PTTG1IP2: variants seen among roughly 807,000 people sequenced by gnomAD.
PTTG1IP2 encodes PTTG1IP family member 2.
chr7:90,477,566 T>C (rs1410851982), intron 1 of PTTG1IP2, among the ~76,000 whole-genome samples: 2 of 152,208 alleles, frequency 1.3e-5, no homozygotes, highest in Non-Finnish European at 2.9e-5. Context: ...CTGAAAGTAC[T>C]GAGGATAGTA....
chr7:90,469,924 T>C lies in PTTG1IP2; in HGVS notation c.138T>C (p.Asn46=), dbSNP rs1381644744. 1 of 152,674 alleles carries C rather than the reference T, an allele frequency of 6.5e-6. No homozygotes were observed. The highest frequency in any genetic ancestry group is 1.9e-4 in the East Asian group (1 of 5,188). The allele number at this position is 152,674 out of a possible 1,614,324, so 9.5% of individuals were successfully genotyped here. A position where few individuals can be genotyped will look rare whatever the true frequency, so the allele number is the denominator to read the frequency against. ...PRNNQKPRDG[N]EEECAVKKSC... ...ACAATCAGAAACCAAGAGATGGGAATGAAGAGGGTGAGTGATCTGGAGTCC... is the reference window on the plus strand; with the variant it reads ...ACAATCAGAAACCAAGAGATGGGAACGAAGAGGGTGAGTGATCTGGAGTCC... The change falls in exon 1 of 7, where the codon AAT becomes AAC. Residue 46 remains asparagine, a synonymous_variant. Coordinates refer to ENST00000509356, the MANE Select transcript of PTTG1IP2 (RefSeq NM_001365443.2).
Position 90,494,357 on chromosome 7 carries a change from C to T in PTTG1IP2, c.452-10C>T, listed in dbSNP as rs1237544101. 1.3e-5 allele frequency: 2 copies of T among 152,068 alleles called. No homozygotes were observed. 9.4% of individuals were successfully genotyped at this position (152,068 alleles called of 1,614,324 possible). A position where few individuals can be genotyped will look rare whatever the true frequency, so the allele number is the denominator to read the frequency against. ...ATTTGAAAAGATAAATTTATTTTCT[C>T]TTCTCATAGTATATGATGAATAGAT... On this transcript the variant is annotated splice_polypyrimidine_tract_variant and intron_variant, in intron 5 of 6. Transcript: ENST00000509356.
chr7:90,511,535 GGC>G (rs1798190558), intron 6 of PTTG1IP2, among the ~76,000 whole-genome samples: 2 of 152,110 alleles, frequency 1.3e-5, no homozygotes, highest in Non-Finnish European at 1.5e-5. Flanking sequence ...TCTGATAAGA[GGC>G]GCTTGCACCA....
chr7:90,509,455 C>T (rs373162798), intron 6 of PTTG1IP2, among the ~76,000 whole-genome samples: 23 of 152,054 alleles, frequency 1.5e-4, no homozygotes, highest in African/African-American at 5.1e-4. Context: ...CTGGAAGATA[C>T]GGATGCTGTT....
intron 1 of PTTG1IP2, 175 bp downstream of exon 1, chr7:90,470,106 T>A (rs1797664373): frequency 6.6e-6 from 1 of 152,474 alleles, no homozygotes; most frequent in Non-Finnish European, 1.5e-5. Context: ...TAAATTGGAC[T>A]CAGATTAATT....
chr7:90,491,077 T>TA (rs770469079), intron 4 of PTTG1IP2, among the ~76,000 whole-genome samples: 9 of 152,304 alleles, frequency 5.9e-5, no homozygotes, highest in Middle Eastern at 3.4e-3. Flanking sequence ...CTTTTTCTTT[T>TA]AAAAAAATAC....
chr7:90,499,416 A>G (rs965178223), intron 6 of PTTG1IP2, among the ~76,000 whole-genome samples: 5 of 152,160 alleles, frequency 3.3e-5, no homozygotes, highest in African/African-American at 1.2e-4. Context: ...CTTTTGTACC[A>G]GAACATTTCA....
intron 1 of PTTG1IP2, 92 bp downstream of exon 1, chr7:90,470,023 A>T (rs949255719): frequency 2.0e-5 from 3 of 152,568 alleles, no homozygotes; most frequent in Non-Finnish European, 4.4e-5. Context: ...TGGAATTTTC[A>T]TCTCAAAAGT....
At chr7:90,477,121 G>C (rs1742279825) in intron 1 of PTTG1IP2, among the ~76,000 whole-genome samples, 1 of 152,154 alleles carries the variant, frequency 6.6e-6, no homozygotes, top group Non-Finnish European at 1.5e-5. Context: ...TGTTCTAAGA[G>C]AGCTAGGAGA....
intron 6 of PTTG1IP2, among the ~76,000 whole-genome samples, chr7:90,501,079 A>C (rs185992058): frequency 3.3e-5 from 5 of 152,324 alleles, no homozygotes; most frequent in Non-Finnish European, 7.3e-5. Flanking sequence ...GGATTGACCC[A>C]AAGCAGAGAT....
At chr7:90,494,060 AGAT>A (rs1471715174) in intron 5 of PTTG1IP2, 1 of 152,190 alleles carries the variant, frequency 6.6e-6, no homozygotes, top group Non-Finnish European at 1.5e-5. Context: ...TGAATTCAGA[AGAT>A]GGTTTGCTGG....
intron 1 of PTTG1IP2, among the ~76,000 whole-genome samples, chr7:90,477,029 A>T (rs1482143712): frequency 6.6e-6 from 1 of 152,178 alleles, no homozygotes; most frequent in East Asian, 1.9e-4. Context: ...AGGATCACGG[A>T]TGGAACTTTA....
At chr7:90,503,369 G>T (rs568701045) in intron 6 of PTTG1IP2, among the ~76,000 whole-genome samples, 1 of 152,200 alleles carries the variant, frequency 6.6e-6, no homozygotes, top group South Asian at 2.1e-4. Context: ...ATCATTTTTG[G>T]GTTCACTGGA....
intron 6 of PTTG1IP2, among the ~76,000 whole-genome samples, chr7:90,496,197 A>C (rs1797988535): frequency 6.6e-6 from 1 of 152,170 alleles, no homozygotes; most frequent in Admixed American, 6.5e-5. Context: ...TTCCCTTTTC[A>C]GTTTTTGAGA....
chr7:90,505,990 C>CAAAAAAAA (rs59521168), intron 6 of PTTG1IP2, among the ~76,000 whole-genome samples: 10 of 77,358 alleles, frequency 1.3e-4, no homozygotes, highest in Non-Finnish European at 1.9e-4. Context: ...GACTCCGTCT[C>CAAAAAAAA]AAAAAAAAAA....
At chr7:90,486,287 T>A (rs759952622) in intron 2 of PTTG1IP2, among the ~76,000 whole-genome samples, 6 of 152,068 alleles carry the variant, frequency 3.9e-5, no homozygotes, top group Non-Finnish European at 8.8e-5. Flanking sequence ...CTTATGTAAG[T>A]CATTTAACTT....
At chr7:90,474,755 G>T (rs1797727956) in intron 1 of PTTG1IP2, among the ~76,000 whole-genome samples, 1 of 152,134 alleles carries the variant, frequency 6.6e-6, no homozygotes, top group African/African-American at 2.4e-5. Context: ...GGTGGAAATA[G>T]CCTATATACA....
At chr7:90,486,363 G>A (rs929132446) in intron 2 of PTTG1IP2, among the ~76,000 whole-genome samples, 2 of 127,100 alleles carry the variant, frequency 1.6e-5, no homozygotes, top group Admixed American at 8.0e-5. Context: ...GGGTTGTCAT[G>A]AGTATGAAGT....
At chr7:90,470,304 T>C (rs1236097199) in intron 1 of PTTG1IP2, 9 of 152,198 alleles carry the variant, frequency 5.9e-5, no homozygotes, top group African/African-American at 2.2e-4. Context: ...TTTAAGGTCT[T>C]AGTTAATAAA....
Sources: allele counts gnomAD v4.1 joint callset (sites outside exome capture counted in the v4.1 genomes callset), GRCh38; gene constraint gnomAD v4.1.1; transcripts MANE v1.5; gene names NCBI Gene and HGNC (gene_info 2026-07-23, HGNC 2026-07-21).